The following INSL6 variants were observed in gnomAD, a reference collection of about 807,000 sequenced individuals.
The protein encoded by INSL6 is insulin-like peptide INSL6.
Under a neutral mutation model 9.4 loss-of-function variants are expected in INSL6, and 16 were observed. The ratio of observed to expected loss-of-function variants is 1.70; its 90% CI spans 1.15 to 2.59. The LOEUF (loss-of-function observed/expected upper bound fraction) is 2.59, where lower values mean the gene tolerates loss of function less well. Ranked by LOEUF, INSL6 falls within the 30% of genes most tolerant of loss-of-function variation. The pLI is 0.00. For missense variants in INSL6, 391 were observed against 257.3 expected (o/e 1.52, Z -3.56); for synonymous variants, 154 against 96.9 (o/e 1.59, Z -3.46).
the INSL6 span, among the ~76,000 whole-genome samples, chr9:5,044,992 G>A: frequency 1.3e-5 from 2 of 152,280 alleles, no homozygotes; most frequent in South Asian, 4.1e-4. Flanking sequence ...GTGACTGGAT[G>A]TTGATACTTA....
the INSL6 span, chr9:5,040,823 C>G: frequency 4.7e-6 from 1 of 210,670 alleles, no homozygotes; most frequent in South Asian, 5.5e-5. Context: ...GAGCGGGGCC[C>G]GAGTGGGGCG....
At chr9:5,171,367 C>T (rs1429772027) in intron 1 of INSL6, among the ~76,000 whole-genome samples, 2 of 152,148 alleles carry the variant, frequency 1.3e-5, no homozygotes, top group African/African-American at 2.4e-5. Flanking sequence ...GACAAACCCA[C>T]GGCCAAATAT....
At chr9:5,180,785 G>A (rs1015741996) in intron 1 of INSL6, among the ~76,000 whole-genome samples, 5 of 152,104 alleles carry the variant, frequency 3.3e-5, no homozygotes, top group African/African-American at 9.7e-5. Context: ...TTTCCCTTGT[G>A]ATCTTTATTG....
chr9:5,016,733 A>C, the INSL6 span, among the ~76,000 whole-genome samples: 2 of 152,164 alleles, frequency 1.3e-5, no homozygotes, highest in African/African-American at 2.4e-5. Flanking sequence ...ACCTCCTGCC[A>C]GTTATTCTCC....
At chr9:5,125,691 A>G (rs997440750) in intron 3 of INSL6, among the ~76,000 whole-genome samples, 2 of 82,578 alleles carry the variant, frequency 2.4e-5, no homozygotes, top group Non-Finnish European at 4.6e-5. Context: ...TGCCAAGTTG[A>G]TAGGGGAGAA....
downstream of INSL6, among the ~76,000 whole-genome samples, chr9:5,123,765 C>A (rs902340057): frequency 3.3e-5 from 5 of 151,908 alleles, no homozygotes; most frequent in Non-Finnish European, 5.9e-5. Flanking sequence ...CACATTCTCA[C>A]CAACAGTGTA....
At chr9:5,041,115 C>G in the INSL6 span, 15 of 848,766 alleles carry the variant, frequency 1.8e-5, no homozygotes. Flanking sequence ...ACCTTCACGC[C>G]CAAGACGGTG....
the INSL6 span, among the ~76,000 whole-genome samples, chr9:5,075,820 A>T: frequency 2.0e-5 from 3 of 152,326 alleles, no homozygotes; most frequent in East Asian, 5.8e-4. Flanking sequence ...TGCCATAGAT[A>T]GTGATTCCTC....
the INSL6 span, among the ~76,000 whole-genome samples, chr9:5,084,586 G>T: frequency 1.3e-5 from 2 of 152,084 alleles, no homozygotes; most frequent in African/African-American, 4.8e-5. Flanking sequence ...AAGGAGCCAA[G>T]AAACTATTGT....
chr9:5,090,775 A>G, the INSL6 span: 49 of 1,612,284 alleles, frequency 3.0e-5, no homozygotes, highest in Admixed American at 8.0e-4. Context: ...GTATATCCAC[A>G]GGGATCTGGC....
chr9:5,148,667 A>T (rs1463680920), intron 2 of INSL6, among the ~76,000 whole-genome samples: 1 of 152,074 alleles, frequency 6.6e-6, no homozygotes, highest in Non-Finnish European at 1.5e-5. Context: ...GCTCCTTCCC[A>T]ATTCAAGTGT....
At chr9:5,048,956 GCTTT>G in the INSL6 span, among the ~76,000 whole-genome samples, 11 of 151,894 alleles carry the variant, frequency 7.2e-5, no homozygotes, top group Non-Finnish European at 1.6e-4. Flanking sequence ...TTGTACTTCT[GCTTT>G]CTTTTTCTTT....
chr9:5,061,102 T>C, the INSL6 span, among the ~76,000 whole-genome samples: 4 of 152,168 alleles, frequency 2.6e-5, no homozygotes, highest in Admixed American at 2.0e-4. Context: ...CTATAAACAA[T>C]AGATGTGCTG....
At chr9:5,089,818 C>G in the INSL6 span, 1 of 1,592,716 alleles carries the variant, frequency 6.3e-7, no homozygotes, top group African/African-American at 1.4e-5. Flanking sequence ...GAAATCCCTA[C>G]AGCATGACAA....
intron 1 of INSL6, among the ~76,000 whole-genome samples, chr9:5,181,104 T>TG (rs1343888383): frequency 6.6e-6 from 1 of 152,196 alleles, no homozygotes; most frequent in Non-Finnish European, 1.5e-5. Context: ...ATTGAAATAT[T>TG]GGGGGCGGGT....
At chr9:5,177,227 G>A (rs1825329316) in intron 1 of INSL6, among the ~76,000 whole-genome samples, 1 of 152,172 alleles carries the variant, frequency 6.6e-6, no homozygotes. Context: ...GATCCAGAGA[G>A]AAAGAAGAAA....
the INSL6 span, chr9:5,084,983 C>T: frequency 2.5e-6 from 2 of 799,650 alleles, no homozygotes; most frequent in Non-Finnish European, 4.1e-6. Context: ...CCAGAAAGAA[C>T]AGAAAGAGTT....
chr9:5,079,365 A>C, the INSL6 span, among the ~76,000 whole-genome samples: 3 of 152,356 alleles, frequency 2.0e-5, no homozygotes, highest in African/African-American at 7.2e-5. Flanking sequence ...TTCTGGTGGA[A>C]TCAAAGACCA....
chr9:5,102,014 C>G, the INSL6 span, among the ~76,000 whole-genome samples: 1 of 152,052 alleles, frequency 6.6e-6, no homozygotes, highest in Non-Finnish European at 1.5e-5. Flanking sequence ...GATTGCAGCT[C>G]CTTGCCAGCT....
Sources: allele counts gnomAD v4.1 joint callset (sites outside exome capture counted in the v4.1 genomes callset), GRCh38; gene constraint gnomAD v4.1.1; transcripts MANE v1.5; gene names NCBI Gene and HGNC (gene_info 2026-07-23, HGNC 2026-07-21).